Variants in DNER observed in about 807,000 individuals in gnomAD.
The protein encoded by DNER is delta and Notch-like epidermal growth factor-related receptor.
DNER carries 33 observed loss-of-function variants against 78.2 expected under a neutral mutation model. That is an observed-to-expected ratio of 0.42 (90% confidence interval 0.32 to 0.56). The LOEUF is 0.56. DNER is among the 20% of genes least tolerant of loss of function. The pLI, the probability that DNER is intolerant of heterozygous loss-of-function variation, is 0.11. For missense variants in DNER, 918 were observed against 975.3 expected (o/e 0.94, Z 0.78); for synonymous variants, 417 against 384.8 (o/e 1.08, Z -0.98).
intron 1 of DNER, among the ~76,000 whole-genome samples, chr2:229,659,585 TCTTAAA>T: frequency 6.6e-6 from 1 of 152,252 alleles, no homozygotes; most frequent in East Asian, 1.9e-4. Context: ...CATGAGCCTT[TCTTAAA>T]CTCACCATCT....
chr2:229,482,951 A>G lies in DNER; in HGVS notation c.1148-5698T>C, dbSNP rs75603178. 9.2e-3 allele frequency among the ~76,000 whole-genome samples: 1,402 copies of G among 152,286 alleles called. 26 individuals carry two copies. Among genetic ancestry groups the G allele is most frequent in the African/African-American group, 0.032 (1,328 of 41,562 alleles). On this transcript the variant is annotated intron_variant, in intron 6 of 12. Transcript: ENST00000341772. ...GCTACAAAGAAAAGTGCAAAATCCA[A>G]CTAAGGAGGGAAGGAAAATAGCTAC... is the stretch of plus-strand genomic sequence containing the variant.
chr2:229,459,143 T>C (rs967550137), intron 7 of DNER, among the ~76,000 whole-genome samples: 1 of 152,082 alleles, frequency 6.6e-6, no homozygotes, highest in East Asian at 1.9e-4. Flanking sequence ...TATACCACGT[T>C]GATGGGTTGG....
At chr2:229,567,894 A>G (rs1168979345) in intron 4 of DNER, among the ~76,000 whole-genome samples, 1 of 152,192 alleles carries the variant, frequency 6.6e-6, no homozygotes, top group Non-Finnish European at 1.5e-5. Flanking sequence ...TTGTACCGCT[A>G]TCTGATCATC....
chr2:229,539,417 G>A (rs1696469958), intron 5 of DNER, among the ~76,000 whole-genome samples: 1 of 152,198 alleles, frequency 6.6e-6, no homozygotes, highest in African/African-American at 2.4e-5. Context: ...AAATGATAAG[G>A]AAGAACTGGC....
rs77894834 is a variant in DNER, at chr2:229,525,606, C to CT, written c.994-12671dup. Among the ~76,000 whole-genome samples the CT allele has an allele frequency of 6.5e-3, 993 of 152,142 alleles. 28 individuals are homozygous for CT. The East Asian group carries it at 0.098, about 15-fold the overall frequency. ...AGTCTCTGATCTAATCAATGCATTTCTTTTTTTATTTATTATTATTTCTGA... is the reference window on the plus strand; with the variant it reads ...AGTCTCTGATCTAATCAATGCATTTCTTTTTTTTATTTATTATTATTTCTGA... On this transcript the variant is annotated intron_variant, in intron 5 of 12. Coordinates refer to ENST00000341772, the MANE Select transcript of DNER (RefSeq NM_139072.4).
rs756279767 is a variant in DNER, at chr2:229,480,583, G to A, written c.1148-3330C>T. 8.5e-5 allele frequency among the ~76,000 whole-genome samples: 13 copies of A among 152,212 alleles called. No individual in the cohort carries two copies. The East Asian group carries it at 9.6e-4, about 11-fold the overall frequency. The stretch of plus-strand genomic sequence containing the variant: ...CAATGCTGTTAAGTGCCCCAATACC[G>A]TATGCAAGTTCGGTAAGATTTCAAT... On this transcript the variant is annotated intron_variant, in intron 6 of 12. Transcript: ENST00000341772.
At chr2:229,502,514 GTGGGAC>G (rs993287290) in intron 6 of DNER, among the ~76,000 whole-genome samples, 1 of 152,216 alleles carries the variant, frequency 6.6e-6, no homozygotes, top group African/African-American at 2.4e-5. Flanking sequence ...CAGCTGATGA[GTGGGAC>G]TGATGCTGGC....
At chr2:229,596,404 G>A (rs1486393296) in intron 1 of DNER, among the ~76,000 whole-genome samples, 1 of 152,244 alleles carries the variant, frequency 6.6e-6, no homozygotes, top group Non-Finnish European at 1.5e-5. Flanking sequence ...CTGTCGACCT[G>A]AGAGGTAAGA....
At chr2:229,386,950 A>G (rs1388850084) in intron 11 of DNER, among the ~76,000 whole-genome samples, 1 of 152,212 alleles carries the variant, frequency 6.6e-6, no homozygotes, top group Non-Finnish European at 1.5e-5. Flanking sequence ...CAGAAATACC[A>G]TTTGACCCAG....
At chr2:229,389,720 G>T (rs1232166225) in intron 10 of DNER, among the ~76,000 whole-genome samples, 1 of 152,122 alleles carries the variant, frequency 6.6e-6, no homozygotes, top group Non-Finnish European at 1.5e-5. Flanking sequence ...CATTTTAGAG[G>T]AGGAATCTCA....
chr2:229,656,821 A>G (rs561523862), intron 1 of DNER, among the ~76,000 whole-genome samples: 1 of 152,204 alleles, frequency 6.6e-6, no homozygotes, highest in Non-Finnish European at 1.5e-5. Flanking sequence ...GAAAAACATG[A>G]AGGCAATGAT....
intron 1 of DNER, among the ~76,000 whole-genome samples, chr2:229,622,140 C>T (rs973000016): frequency 2.6e-5 from 4 of 152,194 alleles, no homozygotes; most frequent in Admixed American, 6.5e-5. Flanking sequence ...AATTACTCCT[C>T]TCTATACCTG....
intron 7 of DNER, among the ~76,000 whole-genome samples, chr2:229,460,883 A>C (rs1694684602): frequency 6.6e-6 from 1 of 152,124 alleles, no homozygotes; most frequent in Admixed American, 6.5e-5. Flanking sequence ...GTATATTCAG[A>C]AGAAGCACCT....
intron 11 of DNER, among the ~76,000 whole-genome samples, chr2:229,386,887 A>G (rs974030918): frequency 3.3e-5 from 5 of 152,176 alleles, no homozygotes; most frequent in African/African-American, 9.7e-5. Flanking sequence ...GGGAATGTAA[A>G]TTTGTTCAAC....
At chr2:229,383,613 G>C (rs1356519938) in intron 11 of DNER, among the ~76,000 whole-genome samples, 1 of 152,114 alleles carries the variant, frequency 6.6e-6, no homozygotes, top group Non-Finnish European at 1.5e-5. Flanking sequence ...TTCAATTCTA[G>C]TCTCTAATAA....
At chr2:229,556,557 A>C (rs533346382) in intron 4 of DNER, among the ~76,000 whole-genome samples, 57 of 152,354 alleles carry the variant, frequency 3.7e-4, no homozygotes, top group Admixed American at 8.5e-4. Context: ...CCTTGAATTA[A>C]AGGCAACCTT....
intron 6 of DNER, among the ~76,000 whole-genome samples, chr2:229,504,165 T>C (rs907999586): frequency 6.6e-6 from 1 of 152,224 alleles, no homozygotes; most frequent in Non-Finnish European, 1.5e-5. Context: ...TATATATCGA[T>C]GCCCTGTGTA....
At chr2:229,546,315 C>T (rs368988107) in intron 5 of DNER, among the ~76,000 whole-genome samples, 2 of 152,248 alleles carry the variant, frequency 1.3e-5, no homozygotes, top group South Asian at 4.1e-4. Flanking sequence ...TCTAAATACT[C>T]ATGTCCTATG....
At chr2:229,426,235 A>G (rs879193594) in intron 8 of DNER, among the ~76,000 whole-genome samples, 1 of 151,968 alleles carries the variant, frequency 6.6e-6, no homozygotes, top group African/African-American at 2.4e-5. Flanking sequence ...AGGTCAGGAG[A>G]TCGAGACCAT....
Sources: allele counts gnomAD v4.1 joint callset (sites outside exome capture counted in the v4.1 genomes callset), GRCh38; gene constraint gnomAD v4.1.1; transcripts MANE v1.5; gene names NCBI Gene and HGNC (gene_info 2026-07-23, HGNC 2026-07-21).